Variants in PPP1R12B observed in about 807,000 individuals in gnomAD.
PPP1R12B encodes protein phosphatase 1 regulatory subunit 12B.
In PPP1R12B, 76 loss-of-function variants were observed where a neutral mutation model predicts 126.1. The ratio of observed to expected loss-of-function variants is 0.60; its 90% CI spans 0.50 to 0.73. The LOEUF is 0.73. Ranked by LOEUF, PPP1R12B falls within the 30% of genes least tolerant of loss-of-function variation. The pLI is 0.00. For synonymous variants in PPP1R12B, 356 were observed against 434.7 expected (o/e 0.82, Z 2.25); for missense variants, 1,052 against 1,205.1 (o/e 0.87, Z 1.88).
chr1:202,562,923 G>A lies in PPP1R12B; in HGVS notation c.2652+1G>A. The A allele has an allele frequency of 6.4e-7, 1 of 1,562,436 alleles. No individual in the cohort carries two copies. Among genetic ancestry groups the A allele is most frequent in the South Asian group, 1.2e-5 (1 of 83,310 alleles). ...AGACAGCAACAGAGATTATAAAAAA[G>A]TAGGGTCTTTATTCAATTTTCCGGT... On this transcript the variant is annotated splice_donor_variant, in intron 20 of 23. Coordinates refer to ENST00000608999, the MANE Select transcript of PPP1R12B (RefSeq NM_002481.4). LOFTEE classifies it high-confidence loss of function.
intron 18 of PPP1R12B, among the ~76,000 whole-genome samples, chr1:202,519,420 A>T (rs1682521045): frequency 2.0e-5 from 3 of 151,696 alleles, no homozygotes; most frequent in Admixed American, 6.6e-5. Flanking sequence ...GTTCACCACT[A>T]CACCCAGCTA....
At chr1:202,569,097 A>C in intron 22 of PPP1R12B, 50 bp from the exon 23 acceptor site, 2 of 1,585,478 alleles carry the variant, frequency 1.3e-6, no homozygotes, top group Non-Finnish European at 1.7e-6. Flanking sequence ...CAGCATTTTT[A>C]CTCCCTTCTG....
At chr1:202,438,621 C>G (rs369817490) in intron 10 of PPP1R12B, 1 of 507,090 alleles carries the variant, frequency 2.0e-6, no homozygotes, top group African/African-American at 1.9e-5. Flanking sequence ...AGCCTGAGCC[C>G]GCCCCGTCCC....
intron 3 of PPP1R12B, among the ~76,000 whole-genome samples, chr1:202,423,872 A>G (rs1222853097): frequency 1.3e-5 from 2 of 152,020 alleles, no homozygotes; most frequent in Non-Finnish European, 2.9e-5. Context: ...TTTGGTAGAG[A>G]CAGGGTTTCA....
chr1:202,433,403 C>T (rs1209738137), intron 8 of PPP1R12B, among the ~76,000 whole-genome samples: 2 of 152,168 alleles, frequency 1.3e-5, no homozygotes, highest in African/African-American at 2.4e-5. Flanking sequence ...CATAAACACC[C>T]ACAGTACCCT....
At chr1:202,407,971 T>C (rs1386059142) in intron 1 of PPP1R12B, among the ~76,000 whole-genome samples, 2 of 152,182 alleles carry the variant, frequency 1.3e-5, no homozygotes, top group Non-Finnish European at 2.9e-5. Flanking sequence ...ATTTACATAG[T>C]ATTTACATTG....
At chr1:202,421,069 C>T (rs992635322) in intron 2 of PPP1R12B, among the ~76,000 whole-genome samples, 3 of 147,338 alleles carry the variant, frequency 2.0e-5, no homozygotes, top group African/African-American at 7.5e-5. Flanking sequence ...GATTCTTGTG[C>T]CTCAGCCTCC....
At chr1:202,546,074 T>C (rs1685623822) in intron 18 of PPP1R12B, among the ~76,000 whole-genome samples, 1 of 152,182 alleles carries the variant, frequency 6.6e-6, no homozygotes, top group African/African-American at 2.4e-5. Flanking sequence ...GAAGCTGGAC[T>C]GGGAGGAGGG....
intron 13 of PPP1R12B, among the ~76,000 whole-genome samples, chr1:202,462,590 G>A (rs1674454745): frequency 6.6e-6 from 1 of 152,164 alleles, no homozygotes; most frequent in Non-Finnish European, 1.5e-5. Flanking sequence ...GCCCTTATCA[G>A]CCATGTTTTT....
intron 1 of PPP1R12B, among the ~76,000 whole-genome samples, chr1:202,377,300 A>C (rs1356012221): frequency 2.0e-5 from 3 of 151,908 alleles, no homozygotes; most frequent in Admixed American, 2.0e-4. Flanking sequence ...TTGGAGTAGT[A>C]ATGTGAGAAG....
intron 1 of PPP1R12B, among the ~76,000 whole-genome samples, chr1:202,376,195 T>G (rs1661153364): frequency 1.3e-5 from 2 of 152,268 alleles, no homozygotes; most frequent in African/African-American, 4.8e-5. Context: ...TTTGATTTTC[T>G]TTCTTAATAA....
At chr1:202,372,019 G>A (rs1320038299) in intron 1 of PPP1R12B, among the ~76,000 whole-genome samples, 7 of 151,724 alleles carry the variant, frequency 4.6e-5, no homozygotes, top group Admixed American at 3.9e-4. Flanking sequence ...TTACAGGCAC[G>A]TGCCACCACA....
Position 202,528,349 on chromosome 1 carries a change from A to G in PPP1R12B, c.2491-30528A>G, listed in dbSNP as rs532032650. ...TCTTACATGCCCTTTGTGCTCAAAG[A>G]GAACAATTTGTGGTTGTTGTATGCC... On this transcript the variant is annotated intron_variant, in intron 18 of 23. Transcript: ENST00000608999. Among the ~76,000 whole-genome samples, 824 of 152,358 alleles carry G rather than the reference A, an allele frequency of 5.4e-3. 2 individuals carry two copies. Among genetic ancestry groups the G allele is most frequent in the Non-Finnish European group, 0.01 (684 of 68,042 alleles).
chr1:202,523,725 G>GT (rs1329915154), intron 18 of PPP1R12B, among the ~76,000 whole-genome samples: 1 of 151,890 alleles, frequency 6.6e-6, no homozygotes, highest in Non-Finnish European at 1.5e-5. Context: ...GTTTTGTTTT[G>GT]TTTTTTTGAG....
At chr1:202,395,131 A>AG (rs1450291365) in intron 1 of PPP1R12B, among the ~76,000 whole-genome samples, 27 of 151,582 alleles carry the variant, frequency 1.8e-4, no homozygotes, top group East Asian at 5.8e-4. Flanking sequence ...AAAAAAAAAA[A>AG]AAAGAAAGAA....
At chr1:202,363,766 A>G (rs144904935) in intron 1 of PPP1R12B, among the ~76,000 whole-genome samples, 2,106 of 152,156 alleles carry the variant, frequency 0.014, 27 homozygotes, top group Non-Finnish European at 0.021. Flanking sequence ...ATTTTATTCT[A>G]TTTATTTATT....
intron 1 of PPP1R12B, among the ~76,000 whole-genome samples, chr1:202,396,305 T>C (rs1002633832): frequency 1.3e-5 from 2 of 152,188 alleles, no homozygotes; most frequent in Non-Finnish European, 1.5e-5. Context: ...TTTTTAGCCA[T>C]GTGACCTTGG....
At chr1:202,422,201 T>C (rs1272586239) in intron 2 of PPP1R12B, among the ~76,000 whole-genome samples, 1 of 152,232 alleles carries the variant, frequency 6.6e-6, no homozygotes, top group Non-Finnish European at 1.5e-5. Context: ...GAGAGTTTTA[T>C]GGAGGCATAA....
chr1:202,546,619 A>G (rs764411959), intron 18 of PPP1R12B, among the ~76,000 whole-genome samples: 1 of 152,068 alleles, frequency 6.6e-6, no homozygotes, highest in Non-Finnish European at 1.5e-5. Flanking sequence ...GAAAAAAAAA[A>G]TAGTGTGACA....
Sources: allele counts gnomAD v4.1 joint callset (sites outside exome capture counted in the v4.1 genomes callset), GRCh38; gene constraint gnomAD v4.1.1; transcripts MANE v1.5; gene names NCBI Gene and HGNC (gene_info 2026-07-23, HGNC 2026-07-21).